The following GALNT14 variants were observed in gnomAD, a reference collection of about 807,000 sequenced individuals.
GALNT14 encodes the protein polypeptide N-acetylgalactosaminyltransferase 14.
Under a neutral mutation model 77.5 loss-of-function variants are expected in GALNT14, and 60 were observed. The observed-to-expected ratio is 0.77, with a 90% CI of 0.63 to 0.96. GALNT14 has a LOEUF of 0.96. Ranked by LOEUF, GALNT14 falls within the 40% of genes least tolerant of loss-of-function variation. The pLI is 0.00. For synonymous variants in GALNT14, 280 were observed against 281.7 expected (o/e 0.99, Z 0.06); for missense variants, 710 against 731.0 (o/e 0.97, Z 0.33).
Position 31,138,080 on chromosome 2 carries a change from G to C in GALNT14, c.7C>G (p.Arg3Gly). ...GGCAGAACCAGCCGACGAGTCAGGC[G>C]CCGCATGGTCCCCTTTGCCGCTTCC... MR[R>G]LTRRLVLPVF... Residue 3 changes from arginine (R) to glycine (G), a missense_variant, in exon 1 of 15, where the codon CGC (arginine) becomes GGC (glycine). Coordinates refer to ENST00000349752, the MANE Select transcript of GALNT14 (RefSeq NM_024572.4). 1 of 1,613,704 alleles carries C rather than the reference G, an allele frequency of 6.2e-7. No individual in the cohort carries two copies. Among genetic ancestry groups the C allele is most frequent in the Non-Finnish European group, 8.5e-7 (1 of 1,179,778 alleles).
intron 13 of GALNT14, among the ~76,000 whole-genome samples, chr2:30,922,872 T>C (rs529421942): frequency 6.6e-6 from 1 of 152,284 alleles, no homozygotes; most frequent in East Asian, 1.9e-4. Context: ...AATTCATGGA[T>C]AGATGAAGAT....
At chr2:30,949,690 T>C (rs1476363755) in intron 6 of GALNT14, among the ~76,000 whole-genome samples, 2 of 152,228 alleles carry the variant, frequency 1.3e-5, no homozygotes, top group Non-Finnish European at 2.9e-5. Context: ...ACATTGTGAA[T>C]GGGCAATCAA....
chr2:30,913,156 A>T (rs1046727716), intron 13 of GALNT14, among the ~76,000 whole-genome samples: 6 of 142,518 alleles, frequency 4.2e-5, no homozygotes, highest in African/African-American at 1.6e-4. Flanking sequence ...AGCACTTCCC[A>T]GTTCTTAAGT....
At chr2:31,069,731 A>C (rs899581358) in intron 1 of GALNT14, among the ~76,000 whole-genome samples, 1 of 152,196 alleles carries the variant, frequency 6.6e-6, no homozygotes, top group Non-Finnish European at 1.5e-5. Flanking sequence ...CTCGCAATAG[A>C]AAGATGTCTT....
chr2:31,040,424 G>C (rs995395219), intron 1 of GALNT14, among the ~76,000 whole-genome samples: 1 of 152,184 alleles, frequency 6.6e-6, no homozygotes, highest in Non-Finnish European at 1.5e-5. Context: ...CTCAAGGAGG[G>C]AGTAGGTCTT....
chr2:31,115,723 G>A (rs1207464983), intron 1 of GALNT14, among the ~76,000 whole-genome samples: 3 of 152,196 alleles, frequency 2.0e-5, no homozygotes, highest in Non-Finnish European at 2.9e-5. Flanking sequence ...CACAGGGTAT[G>A]CAAGTGTAAG....
chr2:30,985,611 C>T (rs1465411451), intron 2 of GALNT14, among the ~76,000 whole-genome samples: 1 of 152,222 alleles, frequency 6.6e-6, no homozygotes, highest in Non-Finnish European at 1.5e-5. Context: ...TGTCCTGCAA[C>T]TCTTCCTGCT....
rs1037152215 is a variant in GALNT14, at chr2:30,995,154, G to A, written c.130-2147C>T. Among the ~76,000 whole-genome samples the A allele has an allele frequency of 6.2e-3, 391 of 62,598 alleles. 1 individual carries two copies. In the Middle Eastern group the frequency reaches 0.086, roughly 14 times the overall value. The allele number at this position is 62,598 out of a possible 152,430, so 41.1% of individuals were successfully genotyped here. ...GTTGTGTGTGTGTGTGTGTGTGTGT[G>A]TGTGTGTGTGTGTGTGTGTGTGTTC... is the stretch of plus-strand genomic sequence containing the variant. On this transcript the variant is annotated intron_variant, in intron 1 of 14. Coordinates refer to ENST00000349752, the MANE Select transcript of GALNT14 (RefSeq NM_024572.4).
chr2:31,138,252 C>T lies in GALNT14; in HGVS notation c.-166G>A. On this transcript the variant is annotated 5_prime_UTR_variant, in exon 1 of 15. Transcript: ENST00000349752. ...ATCCTGCAAGGCGCCCTTCCCGCTT[C>T]GAAGAGAAGCGAGCCTGGGTGGGGG... 1 of 811,220 alleles carries T rather than the reference C, an allele frequency of 1.2e-6. No homozygotes were observed. The highest frequency in any genetic ancestry group is 2.7e-5 in the East Asian group (1 of 36,576). 50.3% of individuals were successfully genotyped at this position (811,220 alleles called of 1,614,324 possible). A position where few individuals can be genotyped will look rare whatever the true frequency, so the allele number is the denominator to read the frequency against.
At chr2:30,977,116 G>A (rs1312336708) in intron 2 of GALNT14, among the ~76,000 whole-genome samples, 5 of 125,900 alleles carry the variant, frequency 4.0e-5, no homozygotes, top group South Asian at 2.3e-4. Flanking sequence ...TTGAGACAGG[G>A]TCTCACTCTG....
At chr2:31,058,668 T>A (rs1397111273) in intron 1 of GALNT14, among the ~76,000 whole-genome samples, 1 of 152,076 alleles carries the variant, frequency 6.6e-6, no homozygotes, top group Non-Finnish European at 1.5e-5. Context: ...CTCATTTACC[T>A]CCTTTTCCAC....
chr2:31,035,372 T>G (rs914606746), intron 1 of GALNT14, among the ~76,000 whole-genome samples: 1 of 152,014 alleles, frequency 6.6e-6, no homozygotes, highest in African/African-American at 2.4e-5. Flanking sequence ...AAAAATTTTG[T>G]CTTAAAGTCT....
intron 1 of GALNT14, among the ~76,000 whole-genome samples, chr2:31,064,348 A>C (rs1256175818): frequency 1.3e-5 from 2 of 152,222 alleles, no homozygotes; most frequent in African/African-American, 2.4e-5. Context: ...AAATTTTTAA[A>C]ATATTAGATC....
At chr2:30,965,533 T>G (rs993269427) in intron 3 of GALNT14, among the ~76,000 whole-genome samples, 1 of 151,986 alleles carries the variant, frequency 6.6e-6, no homozygotes, top group Non-Finnish European at 1.5e-5. Context: ...GCCTTCTGGG[T>G]GCAGGTCTAT....
intron 1 of GALNT14, among the ~76,000 whole-genome samples, chr2:31,132,325 A>G (rs1679035080): frequency 6.6e-6 from 1 of 152,200 alleles, no homozygotes; most frequent in African/African-American, 2.4e-5. Flanking sequence ...GCTTCTTGAC[A>G]TCTAAGAAGT....
rs562108842 is a variant in GALNT14 at position 31,017,184 on chromosome 2, T to A, written c.130-24177A>T. ...CAGAAAGGTTCCTAAGACTCTAATC[T>A]TCCTCCATGTCCATGGCCTTCAACA... On this transcript the variant is annotated intron_variant, in intron 1 of 14. Transcript: ENST00000349752. Among the ~76,000 whole-genome samples the A allele has an allele frequency of 2.0e-5, 3 of 152,354 alleles. No homozygotes were observed. The South Asian group carries it at 6.2e-4, about 32-fold the overall frequency.
At chr2:30,898,920 G>A in the GALNT14 span, among the ~76,000 whole-genome samples, 4 of 152,162 alleles carry the variant, frequency 2.6e-5, no homozygotes, top group East Asian at 1.9e-4. Flanking sequence ...TCAGTGAAAC[G>A]AAAGGAATTT....
chr2:31,011,009 G>A (rs557545620), intron 1 of GALNT14, among the ~76,000 whole-genome samples: 43 of 152,352 alleles, frequency 2.8e-4, no homozygotes, highest in African/African-American at 9.9e-4. Flanking sequence ...CAGCAGGGAG[G>A]CAAGCCTTGG....
At chr2:31,059,786 G>C (rs1474190045) in intron 1 of GALNT14, among the ~76,000 whole-genome samples, 1 of 152,240 alleles carries the variant, frequency 6.6e-6, no homozygotes, top group Non-Finnish European at 1.5e-5. Flanking sequence ...ACAGCAAGAA[G>C]GCTCTGTGTA....
Sources: allele counts gnomAD v4.1 joint callset (sites outside exome capture counted in the v4.1 genomes callset), GRCh38; gene constraint gnomAD v4.1.1; transcripts MANE v1.5; gene names NCBI Gene and HGNC (gene_info 2026-07-23, HGNC 2026-07-21).